USP3: variants seen among roughly 807,000 people sequenced by gnomAD.
The protein encoded by USP3 is ubiquitin carboxyl-terminal hydrolase 3.
USP3 carries 20 observed loss-of-function variants against 72.3 expected under a neutral mutation model. The ratio of observed to expected loss-of-function variants is 0.28; its 90% CI spans 0.19 to 0.40. USP3 has a LOEUF of 0.40. Ranked by LOEUF, USP3 falls within the 10% of genes least tolerant of loss-of-function variation. The pLI, the probability that USP3 is intolerant of heterozygous loss-of-function variation, is 1.00. For synonymous variants in USP3, 222 were observed against 225.3 expected, an observed-to-expected ratio of 0.99 and a Z score of 0.13; for missense variants, 479 against 633.9, an observed-to-expected ratio of 0.76 and a Z score of 2.62.
intron 1 of USP3, among the ~76,000 whole-genome samples, chr15:63,520,711 G>A (rs2065909768): frequency 6.6e-6 from 1 of 151,722 alleles, no homozygotes; most frequent in Admixed American, 6.6e-5. Context: ...TTACAGGCGT[G>A]GGCCACCATG....
intron 7 of USP3, among the ~76,000 whole-genome samples, chr15:63,560,421 A>G: frequency 6.6e-6 from 1 of 152,008 alleles, no homozygotes; most frequent in Non-Finnish European, 1.5e-5. Context: ...ATCTCAAAAA[A>G]AAAAAAAAAA....
chr15:63,570,625 T>A lies in USP3; in HGVS notation c.908+46T>A. 1 of 1,562,886 alleles carries A rather than the reference T, an allele frequency of 6.4e-7. No homozygotes were observed. Among genetic ancestry groups the A allele is most frequent in the African/African-American group, 1.4e-5 (1 of 73,154 alleles). On this transcript the variant is annotated intron_variant, in intron 9 of 14. Coordinates refer to ENST00000380324, the MANE Select transcript of USP3 (RefSeq NM_006537.4). This position sits in a 1 kb window ranked among gnomAD's most constrained non-coding sequence, Gnocchi z 4.4. Reference sequence around the variant, plus strand: ...GTTTTTTAGGAGGGCCTCAGACATTTCTTTTGGTGTTAATTATGTGTTAGA... The same window carrying A: ...GTTTTTTAGGAGGGCCTCAGACATTACTTTTGGTGTTAATTATGTGTTAGA...
chr15:63,589,160 A>ACT, intron 14 of USP3, 149 bp downstream of exon 14: 1 of 809,174 alleles, frequency 1.2e-6, no homozygotes, highest in East Asian at 2.5e-5. Context: ...GCGGAAGAGT[A>ACT]CTCCTCAGAT....
chr15:63,587,737 A>C (rs1365007107), intron 11 of USP3: 1 of 152,258 alleles, frequency 6.6e-6, no homozygotes, highest in Non-Finnish European at 1.5e-5. Flanking sequence ...TTATTTACAA[A>C]ACCAGGTGGC....
chr15:63,584,541 T>C lies in USP3; in HGVS notation c.1097-3764T>C, dbSNP rs919156284. 5.9e-5 allele frequency among the ~76,000 whole-genome samples: 9 copies of C among 152,362 alleles called. No individual in the cohort carries two copies. The East Asian group carries it at 1.5e-3, about 26-fold the overall frequency. On this transcript the variant is annotated intron_variant, in intron 11 of 14. Transcript: ENST00000380324. The stretch of plus-strand genomic sequence containing the variant: ...ATTTGCATTTCCCTAGTAATTGTGA[T>C]GTTGAGCATCTTTTTATGTGTCTGT...
At position 63,559,908 on chromosome 15, in the gene USP3, A is replaced by G. The variant is rs2066576760; in HGVS notation, c.585A>G (p.Leu195=). The change falls in exon 7 of 15, where the codon TTA becomes TTG. Residue 195 remains leucine, a synonymous_variant. Coordinates refer to ENST00000380324, the MANE Select transcript of USP3 (RefSeq NM_006537.4). The part of the protein sequence containing the change: ...CYFKELPAVE[L]RNGKTAGRRT... ...TCAAAGAACTGCCCGCCGTGGAGTT[A>G]AGGAATGGGAAAACAGCAGGAAGGC... The G allele has an allele frequency of 1.2e-6, 2 of 1,614,094 alleles. No homozygotes were observed. The highest frequency in any genetic ancestry group is 1.7e-6 in the Non-Finnish European group (2 of 1,179,970).
chr15:63,522,202 C>T (rs961890132), intron 1 of USP3, among the ~76,000 whole-genome samples: 9 of 152,178 alleles, frequency 5.9e-5, no homozygotes, highest in African/African-American at 2.2e-4. Flanking sequence ...GACTTCTAGT[C>T]TTTTGTTCCA....
chr15:63,530,806 A>G (rs749323489), intron 1 of USP3, among the ~76,000 whole-genome samples: 2 of 152,180 alleles, frequency 1.3e-5, no homozygotes, highest in Non-Finnish European at 2.9e-5. Flanking sequence ...TCATATTCTC[A>G]TTGCTGTAAG....
In USP3 at chr15:63,588,972, T is replaced by C. The variant is rs769957850; in HGVS notation, c.1358T>C (p.Leu453Pro). The change falls in exon 14 of 15, where the codon CTG becomes CCG. Residue 453 changes from leucine to proline, a missense_variant. Coordinates refer to ENST00000380324, the MANE Select transcript of USP3 (RefSeq NM_006537.4). This position sits in a 1 kb window ranked among gnomAD's most constrained non-coding sequence, Gnocchi z 4.6. ...EPENSGPESCLYDLAAVVVHH... is the reference protein window; with the variant it reads ...EPENSGPESCPYDLAAVVVHH... ...GAGAACAGTGGCCCGGAGAGCTGCC[T>C]GTATGACCTCGCCGCTGTGGTGGTG... is the stretch of plus-strand genomic sequence containing the variant. 6 of 1,614,092 alleles carry C rather than the reference T, an allele frequency of 3.7e-6. No individual in the cohort carries two copies. The South Asian group carries it at 5.5e-5, about 15-fold the overall frequency.
At position 63,517,131 on chromosome 15, in the gene USP3, G is replaced by A. The variant is rs529391787; in HGVS notation, c.91+12301G>A. Among the ~76,000 whole-genome samples the A allele has an allele frequency of 2.6e-5, 4 of 151,814 alleles. No homozygotes were observed. In the South Asian group the frequency reaches 8.3e-4, roughly 32 times the overall value. ...ATGTATACATGTGCCATGTTGGTGT[G>A]CTGCACCCATTAACTCGTCATTAGG... On this transcript the variant is annotated intron_variant, in intron 1 of 14. Coordinates refer to ENST00000380324, the MANE Select transcript of USP3 (RefSeq NM_006537.4).
chr15:63,585,492 G>A (rs1335536041), intron 11 of USP3, among the ~76,000 whole-genome samples: 10 of 151,996 alleles, frequency 6.6e-5, no homozygotes, highest in Admixed American at 3.3e-4. Context: ...TGTTAATTTC[G>A]TTTTTGGAAA....
chr15:63,546,868 A>G (rs1375437673), intron 3 of USP3, among the ~76,000 whole-genome samples: 2 of 152,220 alleles, frequency 1.3e-5, no homozygotes, highest in East Asian at 3.9e-4. Context: ...TTGGACTCCC[A>G]AAGTGATGGG....
Position 63,588,596 on chromosome 15 carries a change from T to A in USP3, c.1216-106T>A. On this transcript the variant is annotated intron_variant, in intron 12 of 14. Coordinates refer to ENST00000380324, the MANE Select transcript of USP3 (RefSeq NM_006537.4). This position sits in a 1 kb window ranked among gnomAD's most constrained non-coding sequence, Gnocchi z 4.6. ...CATAAGGTATGCATGGAAGAATGAT[T>A]GATAGGGCAGCTAAAATGTTATTTA... is the stretch of plus-strand genomic sequence containing the variant. The A allele has an allele frequency of 6.1e-6, 6 of 981,604 alleles. No homozygotes were observed. The highest frequency in any genetic ancestry group is 9.4e-6 in the Non-Finnish European group (6 of 637,790). 60.8% of individuals were successfully genotyped at this position (981,604 alleles called of 1,614,324 possible).
chr15:63,505,023 G>A (rs1434130437), intron 1 of USP3, among the ~76,000 whole-genome samples, 193 bp downstream of exon 1: 3 of 150,564 alleles, frequency 2.0e-5, no homozygotes, highest in Non-Finnish European at 4.5e-5. Flanking sequence ...TGTTTCCCGA[G>A]GCCCGACGGC....
intron 1 of USP3, among the ~76,000 whole-genome samples, chr15:63,520,865 A>G (rs1162093301): frequency 2.0e-5 from 3 of 151,922 alleles, no homozygotes; most frequent in Non-Finnish European, 4.4e-5. Flanking sequence ...GCCTGGCCCC[A>G]TTTTAAGATT....
chr15:63,570,550 T>C lies in USP3; in HGVS notation c.879T>C (p.Ser293=). 6.2e-7 allele frequency: 1 copy of C among 1,613,990 alleles called. No individual in the cohort carries two copies. Among genetic ancestry groups the C allele is most frequent in the Non-Finnish European group, 8.5e-7 (1 of 1,179,908 alleles). ...VSRSAILQEN[S]TLSASNKCCI... Reference sequence around the variant, plus strand: ...GCTCAGCAATTCTGCAGGAGAATTCTACTCTGTCTGCAAGTAACAAGTGTT... The same window carrying C: ...GCTCAGCAATTCTGCAGGAGAATTCCACTCTGTCTGCAAGTAACAAGTGTT... Residue 293 remains serine, a synonymous_variant, in exon 9 of 15, where the codon TCT becomes TCC. Transcript: ENST00000380324. The surrounding 1 kb of genome is among the most constrained non-coding windows in gnomAD (Gnocchi z 4.4).
chr15:63,529,822 T>C lies in USP3; in HGVS notation c.92-2825T>C, dbSNP rs1278861451. Among the ~76,000 whole-genome samples the C allele has an allele frequency of 1.3e-5, 2 of 152,174 alleles. No homozygotes were observed. Among genetic ancestry groups the C allele is most frequent in the Non-Finnish European group, 2.9e-5 (2 of 68,022 alleles). ...AAAATCCTCCATAATTAAAAAAATA[T>C]CCTGGGTAGTTAAAAACTTGGGCCT... is the stretch of plus-strand genomic sequence containing the variant. On this transcript the variant is annotated intron_variant, in intron 1 of 14. Transcript: ENST00000380324. The surrounding 1 kb of genome is among the most constrained non-coding windows in gnomAD (Gnocchi z 4.2).
intron 2 of USP3, 71 bp downstream of exon 2, chr15:63,532,778 GT>G: frequency 6.6e-7 from 1 of 1,516,838 alleles, no homozygotes; most frequent in Non-Finnish European, 9.1e-7. Context: ...TTATGTCAGA[GT>G]TTTATTGATT....
intron 1 of USP3, among the ~76,000 whole-genome samples, chr15:63,522,030 C>T (rs990559280): frequency 6.6e-6 from 1 of 152,184 alleles, no homozygotes; most frequent in Non-Finnish European, 1.5e-5. Flanking sequence ...CAGCCCTTAC[C>T]TTCCACGCTC....
Sources: allele counts gnomAD v4.1 joint callset (sites outside exome capture counted in the v4.1 genomes callset), GRCh38; gene constraint gnomAD v4.1.1; non-coding constraint Gnocchi (gnomAD v3.1); transcripts MANE v1.5; gene names NCBI Gene and HGNC (gene_info 2026-07-23, HGNC 2026-07-21).